The following TMEM132D variants were observed in gnomAD, a reference collection of about 807,000 sequenced individuals.
The protein encoded by TMEM132D is mature OL transmembrane protein.
TMEM132D carries 21 observed loss-of-function variants against 62.3 expected under a neutral mutation model. The ratio of observed to expected loss-of-function variants is 0.34; its 90% CI spans 0.24 to 0.49. The LOEUF is 0.49. Ranked by LOEUF, TMEM132D falls within the 20% of genes least tolerant of loss-of-function variation. The pLI, the probability that TMEM132D is intolerant of heterozygous loss-of-function variation, is 0.99. For missense variants in TMEM132D, 1,346 were observed against 1,402.8 expected (o/e 0.96, Z 0.65); for synonymous variants, 621 against 575.6 (o/e 1.08, Z -1.13).
At chr12:129,364,584 T>C (rs1282424075) in intron 3 of TMEM132D, among the ~76,000 whole-genome samples, 1 of 152,244 alleles carries the variant, frequency 6.6e-6, no homozygotes, top group Admixed American at 6.5e-5. Flanking sequence ...TAAGGTGATG[T>C]TAACTGCTAT....
chr12:129,464,958 C>G (rs1345765135), intron 3 of TMEM132D, among the ~76,000 whole-genome samples: 3 of 133,682 alleles, frequency 2.2e-5, no homozygotes, highest in African/African-American at 8.4e-5. Flanking sequence ...AATGCGGGCT[C>G]TTTTTTGGTT....
rs1047452588 is a variant in TMEM132D, at chr12:129,117,195, A to G, written c.1444-32493T>C. ...CTGTATTCTATATTAGATTCTGTATATATTCTGTATGACATTCTGGAAGAG... is the reference window on the plus strand; with the variant it reads ...CTGTATTCTATATTAGATTCTGTATGTATTCTGTATGACATTCTGGAAGAG... On this transcript the variant is annotated intron_variant, in intron 5 of 8. Transcript: ENST00000422113. Among the ~76,000 whole-genome samples the G allele has an allele frequency of 2.0e-5, 3 of 152,032 alleles. No homozygotes were observed. The South Asian group carries it at 6.2e-4, about 32-fold the overall frequency.
At chr12:129,778,527 G>A (rs1367245784) in intron 1 of TMEM132D, among the ~76,000 whole-genome samples, 1 of 152,134 alleles carries the variant, frequency 6.6e-6, no homozygotes, top group African/African-American at 2.4e-5. Flanking sequence ...ACATCAGTTC[G>A]GCTCTCTTCC....
intron 3 of TMEM132D, among the ~76,000 whole-genome samples, chr12:129,475,202 AAAG>A (rs781148389): frequency 4.6e-5 from 7 of 152,342 alleles, no homozygotes; most frequent in Admixed American, 2.6e-4. Flanking sequence ...ATTGAGGCAC[AAAG>A]AAGAAGTCAG....
intron 1 of TMEM132D, among the ~76,000 whole-genome samples, chr12:129,810,817 G>T (rs1242376263): frequency 1.3e-5 from 2 of 152,134 alleles, no homozygotes; most frequent in Admixed American, 6.6e-5. Flanking sequence ...AAATCGAGTT[G>T]AGGAAAATCA....
chr12:129,608,623 TAAGA>T (rs889904074), intron 2 of TMEM132D, among the ~76,000 whole-genome samples: 1 of 152,242 alleles, frequency 6.6e-6, no homozygotes, highest in African/African-American at 2.4e-5. Flanking sequence ...CGTTTACAGC[TAAGA>T]AAGAACCTAC....
At chr12:129,479,755 A>G (rs1192122166) in intron 3 of TMEM132D, among the ~76,000 whole-genome samples, 2 of 151,386 alleles carry the variant, frequency 1.3e-5, no homozygotes, top group Non-Finnish European at 2.9e-5. Flanking sequence ...AGATTTGAAG[A>G]AAGTTCTCAC....
intron 4 of TMEM132D, among the ~76,000 whole-genome samples, chr12:129,321,562 CTT>C (rs796228512): frequency 1.4e-5 from 2 of 145,840 alleles, no homozygotes; most frequent in Non-Finnish European, 1.5e-5. Flanking sequence ...CAGATCTTTT[CTT>C]TTTTTTTTTT....
chr12:129,144,524 G>C (rs1349930030), intron 5 of TMEM132D, among the ~76,000 whole-genome samples: 2 of 152,118 alleles, frequency 1.3e-5, no homozygotes, highest in Admixed American at 6.5e-5. Flanking sequence ...CCCTAGCTTA[G>C]ACAGCCCTAG....
intron 3 of TMEM132D, among the ~76,000 whole-genome samples, chr12:129,403,097 A>T (rs1355530143): frequency 6.6e-6 from 1 of 151,984 alleles, no homozygotes; most frequent in Non-Finnish European, 1.5e-5. Context: ...CTACATACAA[A>T]TAATTAGAGG....
At chr12:129,441,660 T>C (rs565930594) in intron 3 of TMEM132D, among the ~76,000 whole-genome samples, 2 of 152,286 alleles carry the variant, frequency 1.3e-5, no homozygotes, top group East Asian at 3.9e-4. Context: ...GGAAAATAAG[T>C]TGTTCTACCA....
intron 5 of TMEM132D, among the ~76,000 whole-genome samples, chr12:129,181,053 T>C (rs543730779): frequency 4.5e-4 from 68 of 151,936 alleles, no homozygotes; most frequent in Admixed American, 4.3e-3. Flanking sequence ...GATATGAAGG[T>C]GGTGGCTGGA....
In TMEM132D at chr12:129,641,075, A is replaced by G. The variant is rs1266795997; in HGVS notation, c.968+58735T>C. On this transcript the variant is annotated intron_variant, in intron 2 of 8. Transcript: ENST00000422113. ...TTATTTCATTATATATTACAATGTA[A>G]TAATAATACAAACAAGTGCACAATA... Among the ~76,000 whole-genome samples, 3 of 152,206 alleles carry G rather than the reference A, an allele frequency of 2.0e-5. No individual in the cohort carries two copies. In the East Asian group the frequency reaches 5.8e-4, roughly 29 times the overall value.
At chr12:129,487,140 G>A (rs1437124347) in intron 3 of TMEM132D, among the ~76,000 whole-genome samples, 1 of 152,078 alleles carries the variant, frequency 6.6e-6, no homozygotes, top group African/African-American at 2.4e-5. Flanking sequence ...CCAGCTGTGA[G>A]AAGACTAGCA....
chr12:129,763,925 A>G (rs1870466584), intron 1 of TMEM132D, among the ~76,000 whole-genome samples: 1 of 152,152 alleles, frequency 6.6e-6, no homozygotes, highest in Non-Finnish European at 1.5e-5. Flanking sequence ...TGCAGTAGGA[A>G]CTTTAGAACC....
intron 3 of TMEM132D, among the ~76,000 whole-genome samples, chr12:129,468,704 T>TC (rs1566079681): frequency 6.6e-6 from 1 of 152,232 alleles, no homozygotes; most frequent in Non-Finnish European, 1.5e-5. Context: ...TCCAGTGGCC[T>TC]CCTCTTTCTG....
intron 3 of TMEM132D, among the ~76,000 whole-genome samples, chr12:129,522,293 T>C (rs1875872013): frequency 6.6e-6 from 1 of 152,172 alleles, no homozygotes; most frequent in Non-Finnish European, 1.5e-5. Flanking sequence ...AAACAACACT[T>C]AGAATGAAAT....
chr12:129,508,378 G>A (rs955230344), intron 3 of TMEM132D, among the ~76,000 whole-genome samples: 2 of 152,198 alleles, frequency 1.3e-5, no homozygotes, highest in African/African-American at 2.4e-5. Flanking sequence ...GGCATGAATT[G>A]TGTGCTAGCT....
chr12:129,096,038 T>C (rs965751024), intron 5 of TMEM132D, among the ~76,000 whole-genome samples: 1 of 152,238 alleles, frequency 6.6e-6, no homozygotes, highest in Non-Finnish European at 1.5e-5. Context: ...GGGGGCTTCA[T>C]AGATCAGAGG....
Sources: gnomAD v4.1 joint callset for allele counts (sites outside exome capture counted in the v4.1 genomes callset) on GRCh38, gnomAD v4.1.1 for gene constraint, MANE v1.5 for transcripts, NCBI Gene and HGNC (gene_info 2026-07-23, HGNC 2026-07-21) for gene names.